The following PRKG2 variants were observed in gnomAD, a reference collection of about 807,000 sequenced individuals.
PRKG2 encodes cGMP-dependent protein kinase 2.
A neutral mutation model predicts 97.2 loss-of-function variants in PRKG2; 33 were observed. The ratio of observed to expected loss-of-function variants is 0.34; its 90% CI spans 0.26 to 0.45. The LOEUF (loss-of-function observed/expected upper bound fraction) is 0.45. Ranked by LOEUF, PRKG2 falls within the 20% of genes least tolerant of loss-of-function variation. The pLI is 1.00. For missense variants in PRKG2, 638 were observed against 900.0 expected, an observed-to-expected ratio of 0.71 and a Z score of 3.73; for synonymous variants, 330 against 321.8, an observed-to-expected ratio of 1.03 and a Z score of -0.27.
rs1560524897 is a variant in PRKG2, at chr4:81,089,820, T to G, written c.2194-17A>C. 1 of 1,559,468 alleles carries G rather than the reference T, an allele frequency of 6.4e-7. No individual in the cohort carries two copies. Among genetic ancestry groups the G allele is most frequent in the Non-Finnish European group, 8.8e-7 (1 of 1,131,348 alleles). Reference sequence around the variant, plus strand: ...TCCCTTGAGCTAATATAGAAATAATTAAAACAAAAGGAAGAATAATGTTGA... The same window carrying G: ...TCCCTTGAGCTAATATAGAAATAATGAAAACAAAAGGAAGAATAATGTTGA... On this transcript the variant is annotated splice_polypyrimidine_tract_variant and intron_variant, in intron 18 of 18. Coordinates refer to ENST00000264399, the MANE Select transcript of PRKG2 (RefSeq NM_006259.3).
At chr4:81,119,542 G>C (rs990384607) in intron 14 of PRKG2, among the ~76,000 whole-genome samples, 1 of 152,132 alleles carries the variant, frequency 6.6e-6, no homozygotes, top group Non-Finnish European at 1.5e-5. Context: ...ATTGGGAAGT[G>C]TCAGTCCTCC....
chr4:81,094,577 T>C (rs2109945729), intron 17 of PRKG2, among the ~76,000 whole-genome samples: 1 of 152,138 alleles, frequency 6.6e-6, no homozygotes, highest in South Asian at 2.1e-4. Flanking sequence ...CAGACAGTAG[T>C]AAGTACAAGG....
upstream of PRKG2, among the ~76,000 whole-genome samples, chr4:81,215,557 C>A (rs369569355): frequency 1.2e-4 from 18 of 152,156 alleles, 1 homozygote; most frequent in African/African-American, 4.3e-4. Context: ...TTTCCTCCAT[C>A]CTTCCAGTCT....
At chr4:81,180,226 A>T (rs566871708) in intron 2 of PRKG2, among the ~76,000 whole-genome samples, 33 of 152,274 alleles carry the variant, frequency 2.2e-4, no homozygotes, top group African/African-American at 7.2e-4. Context: ...AATCCTCAAA[A>T]CATGGCAAAC....
intron 1 of PRKG2, among the ~76,000 whole-genome samples, chr4:81,209,754 C>T (rs1753872059): frequency 6.6e-6 from 1 of 151,998 alleles, no homozygotes; most frequent in African/African-American, 2.4e-5. Flanking sequence ...ACTTATTGAA[C>T]TGAAAACATG....
intron 6 of PRKG2, 95 bp downstream of exon 6, chr4:81,167,066 G>T: frequency 1.1e-6 from 1 of 905,962 alleles, no homozygotes; most frequent in Non-Finnish European, 1.7e-6. Context: ...GTAGACTGGT[G>T]CTCTGACATC....
At chr4:81,126,066 C>T (rs546368356) in intron 14 of PRKG2, among the ~76,000 whole-genome samples, 28 of 152,244 alleles carry the variant, frequency 1.8e-4, no homozygotes, top group Middle Eastern at 3.4e-3. Flanking sequence ...GTGTGATGTT[C>T]CCCTCCCTGG....
intron 2 of PRKG2, among the ~76,000 whole-genome samples, chr4:81,196,364 A>G (rs2110119582): frequency 6.6e-6 from 1 of 152,324 alleles, no homozygotes; most frequent in East Asian, 1.9e-4. Flanking sequence ...AAACTGAGAT[A>G]GCAAATATGT....
At chr4:81,150,693 A>T (rs1748311114) in intron 8 of PRKG2, among the ~76,000 whole-genome samples, 1 of 152,032 alleles carries the variant, frequency 6.6e-6, no homozygotes, top group African/African-American at 2.4e-5. Context: ...AGCTATTTTG[A>T]CTCTATACTG....
At chr4:81,211,487 C>T (rs710837) in intron 1 of PRKG2, among the ~76,000 whole-genome samples, 6,324 of 152,188 alleles carry the variant, frequency 0.042, 490 homozygotes, top group African/African-American at 0.15. Context: ...AAGTAAGATA[C>T]TGAAAAATTT....
chr4:81,144,465 T>C lies in PRKG2; in HGVS notation c.1155-135A>G, dbSNP rs1049013184. The C allele has an allele frequency of 4.5e-6, 3 of 674,014 alleles. No individual in the cohort carries two copies. The African/African-American group carries it at 5.5e-5, about 12-fold the overall frequency. 41.8% of individuals were successfully genotyped at this position (674,014 alleles called of 1,614,324 possible). ...ATTTTTTAAATAATTTATGAAATAT[T>C]GAAGTTGATGTAATATGTACAAGGG... is the stretch of plus-strand genomic sequence containing the variant. On this transcript the variant is annotated intron_variant, in intron 9 of 18. Coordinates refer to ENST00000264399, the MANE Select transcript of PRKG2 (RefSeq NM_006259.3).
intron 13 of PRKG2, among the ~76,000 whole-genome samples, chr4:81,137,184 T>G (rs553701125): frequency 3.3e-5 from 5 of 152,274 alleles, no homozygotes; most frequent in Admixed American, 2.0e-4. Flanking sequence ...CTGGGATTCT[T>G]TACTTCCTAA....
At chr4:81,169,873 T>G in intron 4 of PRKG2, 105 bp from the exon 5 acceptor site, 1 of 652,328 alleles carries the variant, frequency 1.5e-6, no homozygotes, top group East Asian at 3.2e-5. Context: ...AAATGGTACT[T>G]CTTGGAAAAT....
At chr4:81,181,164 A>T (rs1451600988) in intron 2 of PRKG2, among the ~76,000 whole-genome samples, 1 of 152,268 alleles carries the variant, frequency 6.6e-6, no homozygotes, top group East Asian at 1.9e-4. Context: ...AACACATTTC[A>T]TAAGACTGAA....
At chr4:81,138,448 C>A (rs1405775706) in intron 12 of PRKG2, among the ~76,000 whole-genome samples, 1 of 152,116 alleles carries the variant, frequency 6.6e-6, no homozygotes, top group Non-Finnish European at 1.5e-5. Context: ...AGGCTTGAAT[C>A]CAGATCAGAC....
At chr4:81,111,445 C>T (rs1183222653) in intron 14 of PRKG2, among the ~76,000 whole-genome samples, 1 of 151,698 alleles carries the variant, frequency 6.6e-6, no homozygotes, top group Non-Finnish European at 1.5e-5. Context: ...TCATGTTATA[C>T]ATGATTAATA....
At chr4:81,138,336 A>T (rs1463549278) in intron 12 of PRKG2, among the ~76,000 whole-genome samples, 1 of 152,110 alleles carries the variant, frequency 6.6e-6, no homozygotes, top group Non-Finnish European at 1.5e-5. Context: ...CCCTAGCACC[A>T]CATCCAGACC....
rs188399341 is a variant in PRKG2, at chr4:81,196,968, G to T, written c.461+7619C>A. 2.2e-4 allele frequency among the ~76,000 whole-genome samples: 33 copies of T among 152,236 alleles called. 1 individual carries two copies. Among genetic ancestry groups the T allele is most frequent in the Admixed American group, 1.3e-3 (20 of 15,284 alleles). ...CGGACTTCCAAAGTGTCTGAAAATC[G>T]AAACGTTTCATCCTTGTCTTCAGAT... On this transcript the variant is annotated intron_variant, in intron 2 of 18. Transcript: ENST00000264399.
At chr4:81,129,192 G>A (rs775973964) in intron 14 of PRKG2, among the ~76,000 whole-genome samples, 3 of 152,038 alleles carry the variant, frequency 2.0e-5, no homozygotes, top group Admixed American at 1.3e-4. Context: ...TAGGATTTCC[G>A]TTCTTTTGCA....
Sources: allele counts gnomAD v4.1 joint callset (sites outside exome capture counted in the v4.1 genomes callset), GRCh38; gene constraint gnomAD v4.1.1; transcripts MANE v1.5; gene names NCBI Gene and HGNC (gene_info 2026-07-23, HGNC 2026-07-21).